The following MCF2 variants were observed in gnomAD, a reference collection of about 807,000 sequenced individuals.
MCF2 encodes the protein MCF.2 cell line derived transforming sequence.
MCF2 carries 44 observed loss-of-function variants against 82.5 expected under a neutral mutation model. The ratio of observed to expected loss-of-function variants is 0.53; its 90% confidence interval spans 0.42 to 0.69. The LOEUF (loss-of-function observed/expected upper bound fraction) is 0.69. Ranked by LOEUF, MCF2 falls within the 30% of genes least tolerant of loss-of-function variation. The pLI, the probability that MCF2 is intolerant of heterozygous loss-of-function variation, is 0.00. For synonymous variants in MCF2, 217 were observed against 224.9 expected (o/e 0.96, Z 0.32); for missense variants, 623 against 663.1 (o/e 0.94, Z 0.66).
At chrX:139,614,320 G>C (rs938258336) in intron 10 of MCF2, among the ~76,000 whole-genome samples, 5 of 111,602 alleles carry the variant, frequency 4.5e-5, no homozygotes, top group Non-Finnish European at 9.4e-5. Context: ...CTATTTAACA[G>C]CATTTATTTA....
At chrX:139,605,602 G>T in intron 13 of MCF2, 111 bp downstream of exon 17, 1 of 602,117 alleles carries the variant, frequency 1.7e-6, no homozygotes, top group South Asian at 4.0e-5. Flanking sequence ...GCTGCCATAT[G>T]ACAACCAAGG....
exon 25 of MCF2, chrX:139,581,843 CTAATT>C (rs1382819871): frequency 1.8e-5 from 2 of 111,936 alleles, no homozygotes; most frequent in African/African-American, 3.3e-5. Context: ...CAGAGCACAA[CTAATT>C]TAAGTTACAT....
At chrX:139,660,351 T>C (rs967932391) in intron 1 of MCF2, among the ~76,000 whole-genome samples, 19 of 112,306 alleles carry the variant, frequency 1.7e-4, no homozygotes, top group African/African-American at 6.1e-4. Context: ...TGAAAGAAAC[T>C]CCATTATTTT....
At chrX:139,619,550 C>T in intron 7 of MCF2, 37 bp downstream of exon 10, 1 of 1,042,822 alleles carries the variant, frequency 9.6e-7, no homozygotes, top group Non-Finnish European at 1.3e-6. Flanking sequence ...GACTATTATA[C>T]TGTATAATAT....
intron 1 of MCF2, among the ~76,000 whole-genome samples, chrX:139,637,154 C>T (rs1279167358): frequency 9.0e-6 from 1 of 111,460 alleles, no homozygotes; most frequent in Admixed American, 9.6e-5. Flanking sequence ...GCATATCTTC[C>T]TAGAGCACAT....
intron 4 of MCF2, among the ~76,000 whole-genome samples, chrX:139,628,248 A>G (rs1932810383): frequency 8.9e-6 from 1 of 112,097 alleles, no homozygotes; most frequent in Admixed American, 9.5e-5. Context: ...GGTGGACTGT[A>G]TAAAGAAAAT....
At chrX:139,651,694 G>C (rs748018373) in intron 2 of MCF2, 26 bp downstream of exon 2, 2 of 1,007,174 alleles carry the variant, frequency 2.0e-6, no homozygotes, top group Non-Finnish European at 2.7e-6. Context: ...TATCTATCTG[G>C]ACTATATATA....
exon 13 of MCF2, chrX:139,605,778 G>A (rs1378494364): frequency 1.2e-5 from 14 of 1,170,750 alleles, no homozygotes; most frequent in Non-Finnish European, 1.5e-5. Flanking sequence ...TTTAGTACGT[G>A]GCTAAAATGA....
intron 1 of MCF2, among the ~76,000 whole-genome samples, chrX:139,670,932 G>A (rs945954006): frequency 1.8e-5 from 2 of 111,832 alleles, no homozygotes; most frequent in African/African-American, 6.5e-5. Context: ...CCCACCAACA[G>A]TGTAAAAGTG....
At chrX:139,643,382 T>A (rs982610796), upstream of MCF2, among the ~76,000 whole-genome samples, 2 of 111,880 alleles carry the variant, frequency 1.8e-5, no homozygotes, top group Non-Finnish European at 3.8e-5. Context: ...ATGCCAACTT[T>A]TGCACTTGAA....
chrX:139,677,745 C>G (rs1413793419), intron 1 of MCF2, among the ~76,000 whole-genome samples: 2 of 112,228 alleles, frequency 1.8e-5, no homozygotes, highest in African/African-American at 3.2e-5. Context: ...ATATTTGAAT[C>G]TAAACATTGA....
Position 139,651,799 on chromosome X carries a change from C to T in MCF2, c.-44-11G>A, listed in dbSNP as rs377323121. ...GGAGCAGATCGGTTTCTATGACAAA[C>T]GAAAATAGAAGAAATGACATACATG... is the stretch of plus-strand genomic sequence containing the variant. On this transcript the variant is annotated splice_polypyrimidine_tract_variant and intron_variant, in intron 1 of 27. Coordinates refer to the MCF2 transcript ENST00000414978. 2.2e-4 allele frequency: 235 copies of T among 1,065,036 alleles called. No homozygotes were observed. Among genetic ancestry groups the T allele is most frequent in the Non-Finnish European group, 2.8e-4 (223 of 783,909 alleles). 87.8% of individuals were successfully genotyped at this position (1,065,036 alleles called of 1,213,427 possible).
rs184382801 is a variant in MCF2, at chrX:139,668,141, G to A, written c.-44-16353C>T. 7.8e-3 allele frequency among the ~76,000 whole-genome samples: 871 copies of A among 111,570 alleles called. 1 individual carries two copies. The highest frequency in any genetic ancestry group is 0.013 in the Non-Finnish European group (688 of 53,052). On this transcript the variant is annotated intron_variant, in intron 1 of 27. Coordinates refer to the MCF2 transcript ENST00000414978. ...GCACTTGCTTCTCAGCTCCAGCTGC[G>A]TAAGTTCATTCCCAGCTCACTCCCA...
chrX:139,685,755 T>G (rs894559749), intron 1 of MCF2, among the ~76,000 whole-genome samples: 1 of 111,512 alleles, frequency 9.0e-6, no homozygotes, highest in African/African-American at 3.3e-5. Flanking sequence ...CCTCCCTAAT[T>G]CATTTTATGA....
At chrX:139,706,971 G>A (rs1053779480) in intron 1 of MCF2, among the ~76,000 whole-genome samples, 24 of 110,377 alleles carry the variant, frequency 2.2e-4, no homozygotes, top group African/African-American at 7.2e-4. Flanking sequence ...AAAAAATGAT[G>A]AAGTACATCA....
intron 1 of MCF2, among the ~76,000 whole-genome samples, chrX:139,672,431 G>A: frequency 8.9e-6 from 1 of 112,552 alleles, no homozygotes; most frequent in Non-Finnish European, 1.9e-5. Context: ...TGCCCATTCA[G>A]TATGACATTG....
At chrX:139,600,993 AT>A (rs1415590031) in intron 16 of MCF2, among the ~76,000 whole-genome samples, 6 of 112,177 alleles carry the variant, frequency 5.3e-5, no homozygotes, top group Non-Finnish European at 1.1e-4. Flanking sequence ...TGAAAATAGA[AT>A]TCTATTAAAA....
exon 4 of MCF2, chrX:139,629,753 T>A: frequency 1.7e-6 from 2 of 1,206,730 alleles, no homozygotes; most frequent in South Asian, 3.5e-5. Flanking sequence ...TGAGGGAATA[T>A]CATCTGGTAG....
chrX:139,685,396 G>A (rs897892831), intron 1 of MCF2, among the ~76,000 whole-genome samples: 9 of 110,973 alleles, frequency 8.1e-5, no homozygotes, highest in Non-Finnish European at 7.5e-5. Flanking sequence ...TGATCTAACC[G>A]GTTATGTTAT....
Sources: gnomAD v4.1 joint callset for allele counts (sites outside exome capture counted in the v4.1 genomes callset) on GRCh38, gnomAD v4.1.1 for gene constraint, MANE v1.5 for transcripts, NCBI Gene and HGNC (gene_info 2026-07-23, HGNC 2026-07-21) for gene names.